Variants in AFAP1 observed in about 807,000 individuals in gnomAD.
The protein encoded by AFAP1 is actin filament associated protein 1.
A neutral mutation model predicts 93.9 loss-of-function variants in AFAP1; 75 were observed. That is an observed-to-expected ratio of 0.80 (90% CI 0.66 to 0.97). AFAP1 has a LOEUF of 0.97. AFAP1 is among the 50% of genes least tolerant of loss of function. The pLI, the probability that AFAP1 is intolerant of heterozygous loss-of-function variation, is 0.00. For missense variants in AFAP1, 1,201 were observed against 1,050.8 expected (o/e 1.14, Z -1.98); for synonymous variants, 517 against 430.7 (o/e 1.20, Z -2.48).
At chr4:7,793,555 T>A (rs1355015075) in intron 11 of AFAP1, 126 bp downstream of exon 11, 1 of 1,126,860 alleles carries the variant, frequency 8.9e-7, no homozygotes, top group Non-Finnish European at 1.2e-6. Flanking sequence ...CTTAAGATAA[T>A]GCAAAAGGGA....
intron 5 of AFAP1, 115 bp from the exon 6 acceptor site, chr4:7,838,818 C>T: frequency 9.0e-7 from 1 of 1,114,034 alleles, no homozygotes; most frequent in South Asian, 1.5e-5. Context: ...AAGTCTGAAT[C>T]TGCAGATGAG....
At chr4:7,888,206 T>C (rs1718241304) in intron 1 of AFAP1, among the ~76,000 whole-genome samples, 1 of 152,256 alleles carries the variant, frequency 6.6e-6, no homozygotes, top group Non-Finnish European at 1.5e-5. Context: ...AATTGTGACA[T>C]TTTAGAAAAA....
chr4:7,922,711 C>G (rs752560840), intron 1 of AFAP1, among the ~76,000 whole-genome samples: 1 of 152,176 alleles, frequency 6.6e-6, no homozygotes, highest in Non-Finnish European at 1.5e-5. Flanking sequence ...GGGCCGGGTG[C>G]GGCGGCTCAT....
At chr4:7,868,900 G>C (rs28568677) in intron 2 of AFAP1, among the ~76,000 whole-genome samples, 181 bp from the exon 3 acceptor site, 1 of 149,260 alleles carries the variant, frequency 6.7e-6, no homozygotes, top group Non-Finnish European at 1.5e-5. Context: ...GTGAAGAACC[G>C]ACAGCTTAAA....
intron 9 of AFAP1, among the ~76,000 whole-genome samples, chr4:7,802,290 G>C (rs1191675172): frequency 6.6e-6 from 1 of 152,240 alleles, no homozygotes; most frequent in African/African-American, 2.4e-5. Context: ...CCAGGCTGAG[G>C]CTCCAAGGCC....
intron 4 of AFAP1, 36 bp from the exon 5 acceptor site, chr4:7,843,386 T>C: frequency 6.4e-7 from 1 of 1,563,916 alleles, no homozygotes. Context: ...AAAAAGGACT[T>C]CTTTACCTTG....
At chr4:7,862,414 GCGCC>G (rs1444769901) in intron 3 of AFAP1, 5 of 63,486 alleles carry the variant, frequency 7.9e-5, no homozygotes, top group African/African-American at 1.2e-4. Flanking sequence ...GGGGGGGGGG[GCGCC>G]GGCGGCGGGA....
chr4:7,902,986 C>G (rs1359617442), intron 1 of AFAP1, among the ~76,000 whole-genome samples: 3 of 152,230 alleles, frequency 2.0e-5, no homozygotes, highest in African/African-American at 7.2e-5. Context: ...ATCATTTCTA[C>G]TCAAGTACTC....
chr4:7,929,164 G>A (rs1469023561), intron 1 of AFAP1, among the ~76,000 whole-genome samples: 1 of 152,114 alleles, frequency 6.6e-6, no homozygotes, highest in Non-Finnish European at 1.5e-5. Flanking sequence ...AATGTCTCCT[G>A]CCCCCTGTAC....
intron 4 of AFAP1, among the ~76,000 whole-genome samples, chr4:7,851,426 G>C (rs996649428): frequency 2.0e-5 from 3 of 152,180 alleles, no homozygotes; most frequent in African/African-American, 7.2e-5. Flanking sequence ...GGTTTGGTTG[G>C]ATGATCGACA....
At chr4:7,774,536 ACGC>A (rs1307455018) in intron 15 of AFAP1, 200 bp downstream of exon 15, 1 of 754,858 alleles carries the variant, frequency 1.3e-6, no homozygotes, top group African/African-American at 1.8e-5. Flanking sequence ...CTCTGCCTGC[ACGC>A]CGCATGTTTG....
At chr4:7,799,937 G>C (rs557051365) in intron 10 of AFAP1, among the ~76,000 whole-genome samples, 5 of 152,302 alleles carry the variant, frequency 3.3e-5, no homozygotes, top group Admixed American at 3.3e-4. Flanking sequence ...TCTGTGTCAT[G>C]TGGCTCACTG....
intron 1 of AFAP1, among the ~76,000 whole-genome samples, chr4:7,889,705 A>T (rs78234353): frequency 0.018 from 501 of 28,390 alleles, 1 homozygote; most frequent in Non-Finnish European, 0.045. Context: ...TTTTTTTTTT[A>T]AAAAAAGAAC....
intron 8 of AFAP1, among the ~76,000 whole-genome samples, chr4:7,811,697 G>A (rs906699542): frequency 1.3e-5 from 2 of 152,288 alleles, no homozygotes; most frequent in Admixed American, 1.3e-4. Context: ...TGAAGGCGCG[G>A]GAGGGGAGCC....
chr4:7,888,575 G>C (rs60766379), intron 1 of AFAP1, among the ~76,000 whole-genome samples: 2 of 152,244 alleles, frequency 1.3e-5, no homozygotes, highest in East Asian at 3.9e-4. Context: ...CAGACTATCT[G>C]AACAGCTCTA....
intron 4 of AFAP1, among the ~76,000 whole-genome samples, chr4:7,851,500 A>C (rs926481057): frequency 1.1e-4 from 16 of 152,246 alleles, no homozygotes; most frequent in African/African-American, 3.6e-4. Context: ...TGCTGTCAAC[A>C]GACCTTCACA....
At chr4:7,910,035 C>T (rs1298873985) in intron 1 of AFAP1, among the ~76,000 whole-genome samples, 2 of 152,074 alleles carry the variant, frequency 1.3e-5, no homozygotes, top group South Asian at 2.1e-4. Context: ...AATAAATTGC[C>T]GGGTGAAAAA....
intron 10 of AFAP1, among the ~76,000 whole-genome samples, chr4:7,800,005 C>A (rs35099627): frequency 0.016 from 2,367 of 152,234 alleles, 29 homozygotes; most frequent in Admixed American, 0.024. Flanking sequence ...GTAAAGAAGT[C>A]CAGAACATTC....
intron 11 of AFAP1, among the ~76,000 whole-genome samples, chr4:7,791,543 A>G (rs893763381): frequency 2.6e-5 from 4 of 152,170 alleles, no homozygotes; most frequent in African/African-American, 9.7e-5. Flanking sequence ...TGAGAAATGC[A>G]TTCATTGTTA....
Sources: allele counts gnomAD v4.1 joint callset (sites outside exome capture counted in the v4.1 genomes callset), GRCh38; gene constraint gnomAD v4.1.1; transcripts MANE v1.5; gene names NCBI Gene and HGNC (gene_info 2026-07-23, HGNC 2026-07-21).